Variants in GLI3 observed in about 807,000 individuals in gnomAD.
GLI3 encodes the protein transcription activator GLI3.
In GLI3, 20 loss-of-function variants were observed where a neutral mutation model predicts 100.8. That is an observed-to-expected ratio of 0.20 (90% confidence interval 0.14 to 0.29). GLI3 has a LOEUF of 0.29. GLI3 is among the 10% of genes least tolerant of loss of function. GLI3 has a pLI of 1.00. For synonymous variants in GLI3, 938 were observed against 860.5 expected (o/e 1.09, Z -1.58); for missense variants, 2,040 against 2,128.5 (o/e 0.96, Z 0.82).
intron 10 of GLI3, 32 bp from the exon 11 acceptor site, chr7:41,978,780 T>A: frequency 1.9e-6 from 3 of 1,601,452 alleles, no homozygotes; most frequent in Non-Finnish European, 2.6e-6. Flanking sequence ...AGAAATCAAA[T>A]GGAAACGTAT....
intron 3 of GLI3, among the ~76,000 whole-genome samples, chr7:42,138,121 C>G (rs1786474065): frequency 6.6e-6 from 1 of 152,142 alleles, no homozygotes; most frequent in Non-Finnish European, 1.5e-5. Flanking sequence ...CCCTCAGGAC[C>G]TAGAATAGTG....
chr7:42,229,258 A>G (rs1051848054), intron 1 of GLI3, among the ~76,000 whole-genome samples: 2 of 151,998 alleles, frequency 1.3e-5, no homozygotes, highest in African/African-American at 4.8e-5. Flanking sequence ...TTTTTTTCTT[A>G]GTGTATTTCA....
chr7:42,242,473 G>A (rs1788935129), upstream of GLI3, among the ~76,000 whole-genome samples: 1 of 152,200 alleles, frequency 6.6e-6, no homozygotes. Context: ...ACACATCACA[G>A]CAAATAGCTC....
intron 2 of GLI3, among the ~76,000 whole-genome samples, chr7:42,194,757 C>CTTTTTT (rs1338910591): frequency 1.8e-4 from 15 of 81,848 alleles, no homozygotes; most frequent in South Asian, 1.2e-3. Flanking sequence ...CTCTCTCTGT[C>CTTTTTT]TCTTTTTTTT....
chr7:42,008,154 C>T (rs1462463094), intron 10 of GLI3, among the ~76,000 whole-genome samples: 1 of 152,180 alleles, frequency 6.6e-6, no homozygotes, highest in African/African-American at 2.4e-5. Context: ...TATAATACCC[C>T]ACACCCATGG....
chr7:42,223,350 AC>A, intron 1 of GLI3, 55 bp from the exon 2 acceptor site: 3 of 1,005,692 alleles, frequency 3.0e-6, no homozygotes, highest in Middle Eastern at 2.7e-4. Flanking sequence ...AAAAAAAAAA[AC>A]TTTCAAAAGT....
chr7:42,234,928 A>C (rs1430473749), intron 1 of GLI3, among the ~76,000 whole-genome samples: 1 of 152,214 alleles, frequency 6.6e-6, no homozygotes, highest in African/African-American at 2.4e-5. Context: ...TTAGGTTTGA[A>C]TATAGTTTAA....
rs1786770203 is a variant in GLI3, at chr7:42,148,254, G to A, written c.339C>T (p.Pro113=). ...AGTGGGGCTCCATGTAACCATTCCT[G>A]GGGTCCATGGCAAACACCGTCCCGC... is the stretch of plus-strand genomic sequence containing the variant. The part of the protein sequence containing the change: ...PYRGTVFAMD[P]RNGYMEPHYH... Residue 113 remains proline, a synonymous_variant, in exon 3 of 15, where the codon CCC becomes CCT. Coordinates refer to ENST00000395925, the MANE Select transcript of GLI3 (RefSeq NM_000168.6). 2 of 1,612,366 alleles carry A rather than the reference G, an allele frequency of 1.2e-6. No homozygotes were observed. Among genetic ancestry groups the A allele is most frequent in the Non-Finnish European group, 1.7e-6 (2 of 1,179,168 alleles).
At chr7:42,019,223 G>A (rs761235397) in intron 10 of GLI3, among the ~76,000 whole-genome samples, 12 of 152,270 alleles carry the variant, frequency 7.9e-5, no homozygotes, top group South Asian at 4.1e-4. Context: ...TCCACACTGA[G>A]ATGGAAGTTC....
At chr7:42,002,080 A>G (rs866001749) in intron 10 of GLI3, among the ~76,000 whole-genome samples, 9 of 138,852 alleles carry the variant, frequency 6.5e-5, no homozygotes, top group South Asian at 4.5e-4. Context: ...ACACACACGC[A>G]CACACACACA....
At chr7:42,217,899 C>A (rs530190192) in intron 2 of GLI3, among the ~76,000 whole-genome samples, 4 of 152,304 alleles carry the variant, frequency 2.6e-5, no homozygotes, top group African/African-American at 9.6e-5. Context: ...CAGAGGCTAA[C>A]GTTTGCAGAG....
intron 10 of GLI3, among the ~76,000 whole-genome samples, chr7:41,982,086 A>T (rs747178897): frequency 1.3e-5 from 2 of 152,042 alleles, no homozygotes; most frequent in Non-Finnish European, 2.9e-5. Flanking sequence ...AATCCCTTAG[A>T]CCCGAGTCCC....
At chr7:42,210,803 G>A (rs1326690912) in intron 2 of GLI3, among the ~76,000 whole-genome samples, 1 of 151,988 alleles carries the variant, frequency 6.6e-6, no homozygotes, top group Admixed American at 6.6e-5. Flanking sequence ...TCCAGATGAA[G>A]GCCTAGCAAT....
chr7:42,150,308 T>G (rs961553153), intron 2 of GLI3: 3 of 152,192 alleles, frequency 2.0e-5, no homozygotes, highest in African/African-American at 7.2e-5. Context: ...CAAAATACAT[T>G]TTTATTTTCC....
intron 10 of GLI3, among the ~76,000 whole-genome samples, chr7:42,021,747 G>A (rs888817585): frequency 6.6e-6 from 1 of 152,236 alleles, no homozygotes; most frequent in Admixed American, 6.5e-5. Context: ...CCATGAGACT[G>A]TCACCTTCAG....
intron 4 of GLI3, among the ~76,000 whole-genome samples, chr7:42,069,171 A>G (rs1784737152): frequency 6.6e-6 from 1 of 152,186 alleles, no homozygotes; most frequent in African/African-American, 2.4e-5. Context: ...AATTTTATCC[A>G]AGAAGCTGGG....
chr7:42,065,618 G>A (rs945970555), intron 4 of GLI3, among the ~76,000 whole-genome samples: 8 of 152,088 alleles, frequency 5.3e-5, no homozygotes, highest in Admixed American at 1.3e-4. Context: ...TAAGATACTC[G>A]AATAATTTTG....
intron 1 of GLI3, among the ~76,000 whole-genome samples, chr7:42,251,509 T>G (rs1272604602): frequency 6.6e-6 from 1 of 152,074 alleles, no homozygotes; most frequent in Non-Finnish European, 1.5e-5. Flanking sequence ...CCTGCTCTAG[T>G]CTAGTCTGTG....
chr7:42,082,964 C>G (rs1308771067), intron 3 of GLI3, among the ~76,000 whole-genome samples: 1 of 152,054 alleles, frequency 6.6e-6, no homozygotes, highest in Non-Finnish European at 1.5e-5. Flanking sequence ...GATATTTTGA[C>G]ACAGGCATGC....
Sources: allele counts gnomAD v4.1 joint callset (sites outside exome capture counted in the v4.1 genomes callset), GRCh38; gene constraint gnomAD v4.1.1; transcripts MANE v1.5; gene names NCBI Gene and HGNC (gene_info 2026-07-23, HGNC 2026-07-21).